SS18: variants seen among roughly 807,000 people sequenced by gnomAD.
SS18 encodes the protein protein SSXT.
A neutral mutation model predicts 72.5 loss-of-function variants in SS18; 28 were observed. The ratio of observed to expected loss-of-function variants is 0.39; its 90% CI spans 0.29 to 0.53. The LOEUF (loss-of-function observed/expected upper bound fraction) is 0.53, where lower values mean the gene tolerates loss of function less well. SS18 is among the 20% of genes least tolerant of loss of function. The pLI is 0.76. For missense variants in SS18, 518 were observed against 535.3 expected (o/e 0.97, Z 0.32); for synonymous variants, 172 against 164.2 (o/e 1.05, Z -0.37).
At chr18:26,061,262 G>A (rs749969821) in intron 3 of SS18, among the ~76,000 whole-genome samples, 8 of 152,126 alleles carry the variant, frequency 5.3e-5, no homozygotes, top group African/African-American at 7.2e-5. Context: ...GCAGTGAGCC[G>A]AGATCGTGCC....
At chr18:26,030,016 T>C (rs555033791) in intron 10 of SS18, among the ~76,000 whole-genome samples, 1 of 152,294 alleles carries the variant, frequency 6.6e-6, no homozygotes, top group African/African-American at 2.4e-5. Flanking sequence ...CCCAAATTCC[T>C]GAGAACTTTA....
At chr18:26,075,262 A>G (rs1447394485) in intron 3 of SS18, among the ~76,000 whole-genome samples, 4 of 151,968 alleles carry the variant, frequency 2.6e-5, no homozygotes, top group Non-Finnish European at 5.9e-5. Flanking sequence ...AGACGAAGGC[A>G]TTATAAGAAA....
chr18:26,033,338 AC>A (rs1035384080), intron 9 of SS18, among the ~76,000 whole-genome samples: 1 of 152,026 alleles, frequency 6.6e-6, no homozygotes, highest in African/African-American at 2.4e-5. Flanking sequence ...ATATGATGAA[AC>A]CCCATCTCTA....
chr18:26,077,703 T>C (rs571126290), intron 3 of SS18, among the ~76,000 whole-genome samples: 31 of 152,242 alleles, frequency 2.0e-4, no homozygotes, highest in African/African-American at 7.5e-4. Context: ...GTTAACTTAG[T>C]TGGGTATGAG....
chr18:26,089,698 A>G (rs1054579894), intron 1 of SS18: 1 of 152,268 alleles, frequency 6.6e-6, no homozygotes, highest in Non-Finnish European at 1.5e-5. Flanking sequence ...CACAGCAGCG[A>G]CTGCAGCAGC....
At chr18:26,039,718 T>C (rs1379883867) in intron 5 of SS18, among the ~76,000 whole-genome samples, 1 of 152,168 alleles carries the variant, frequency 6.6e-6, no homozygotes, top group Non-Finnish European at 1.5e-5. Flanking sequence ...TAAAATAAAA[T>C]GCATATAATA....
intron 3 of SS18, among the ~76,000 whole-genome samples, chr18:26,060,858 A>G (rs1177354002): frequency 2.1e-5 from 3 of 144,886 alleles, no homozygotes; most frequent in Admixed American, 1.4e-4. Context: ...TGGGAGGCTG[A>G]GAAACGAGAA....
intron 2 of SS18, chr18:26,082,320 A>G: frequency 1.1e-6 from 1 of 887,978 alleles, no homozygotes; most frequent in South Asian, 5.2e-5. Flanking sequence ...CATAATTACA[A>G]AATTAAGCTG....
chr18:26,035,933 T>C lies in SS18; in HGVS notation c.881-10A>G, dbSNP rs1337099810. 1 of 1,584,976 alleles carries C rather than the reference T, an allele frequency of 6.3e-7. No homozygotes were observed. Among genetic ancestry groups the C allele is most frequent in the Admixed American group, 1.7e-5 (1 of 57,916 alleles). ...CCGTAATCATTATGACCTACATCAA[T>C]TCGACAAGAGACAGGAAGAAACGTT... On this transcript the variant is annotated splice_polypyrimidine_tract_variant and intron_variant, in intron 7 of 10. Coordinates refer to ENST00000415083, the MANE Select transcript of SS18 (RefSeq NM_001007559.3). The surrounding 1 kb of genome is among the most constrained non-coding windows in gnomAD (Gnocchi z 4.4).
At chr18:26,068,120 C>T (rs2054250821) in intron 3 of SS18, 2 of 152,156 alleles carry the variant, frequency 1.3e-5, no homozygotes, top group South Asian at 4.1e-4. Context: ...GGCCACAGAC[C>T]CGTATCAGTC....
chr18:26,090,623 A>T, upstream of SS18: 1 of 1,525,458 alleles, frequency 6.6e-7, no homozygotes, highest in Non-Finnish European at 8.9e-7. Flanking sequence ...TGAACGGCAA[A>T]CTGGGGGAGA....
chr18:26,042,355 G>A (rs552565180), intron 5 of SS18, among the ~76,000 whole-genome samples: 24 of 152,152 alleles, frequency 1.6e-4, no homozygotes, highest in African/African-American at 5.3e-4. Flanking sequence ...ATGTTAAGAC[G>A]CACTACAAAG....
At chr18:26,043,236 A>C (rs1303509827) in intron 5 of SS18, among the ~76,000 whole-genome samples, 1 of 152,172 alleles carries the variant, frequency 6.6e-6, no homozygotes, top group Non-Finnish European at 1.5e-5. Context: ...CCGTGCTCTT[A>C]ATCACTATGT....
At chr18:26,071,705 G>A (rs2054312374) in intron 3 of SS18, among the ~76,000 whole-genome samples, 1 of 152,130 alleles carries the variant, frequency 6.6e-6, no homozygotes. Flanking sequence ...GTGTATGCCT[G>A]TGGTCCTAGC....
At chr18:26,031,288 A>C (rs1011950996) in intron 10 of SS18, among the ~76,000 whole-genome samples, 5 of 152,272 alleles carry the variant, frequency 3.3e-5, no homozygotes, top group Non-Finnish European at 5.9e-5. Flanking sequence ...TTTGCCTTAA[A>C]TAAGAAGTGT....
chr18:26,072,319 C>CCTGT (rs1215690902), intron 3 of SS18, among the ~76,000 whole-genome samples: 1 of 150,356 alleles, frequency 6.7e-6, no homozygotes, highest in East Asian at 2.0e-4. Context: ...GTGGCTCACA[C>CCTGT]CTGTAATCCC....
chr18:26,039,502 T>C (rs1264630265), intron 5 of SS18, 46 bp from the exon 6 acceptor site: 1 of 1,501,782 alleles, frequency 6.7e-7, no homozygotes, highest in South Asian at 1.4e-5. Flanking sequence ...TGTATATAAC[T>C]TTAACATCTC....
chr18:26,087,389 A>T, intron 2 of SS18, 112 bp downstream of exon 2: 2 of 670,750 alleles, frequency 3.0e-6, no homozygotes, highest in Non-Finnish European at 5.3e-6. Context: ...ACACATTAAA[A>T]TAGGTGAATT....
At chr18:26,047,259 CAAAAAAAAAA>C (rs71169806) in intron 5 of SS18, among the ~76,000 whole-genome samples, 2 of 75,742 alleles carry the variant, frequency 2.6e-5, no homozygotes, top group African/African-American at 4.3e-5. Context: ...AGTAATATGC[CAAAAAAAAAA>C]AAAAAAAAAA....
Sources: allele counts gnomAD v4.1 joint callset (sites outside exome capture counted in the v4.1 genomes callset), GRCh38; gene constraint gnomAD v4.1.1; non-coding constraint Gnocchi (gnomAD v3.1); transcripts MANE v1.5; gene names NCBI Gene and HGNC (gene_info 2026-07-23, HGNC 2026-07-21).